Variants in SYT16 observed in about 807,000 individuals in gnomAD.
SYT16 encodes synaptotagmin-16.
Under a neutral mutation model 61.4 loss-of-function variants are expected in SYT16, and 42 were observed. The observed-to-expected ratio is 0.68, with a 90% confidence interval of 0.53 to 0.89. SYT16 has a LOEUF of 0.89. Ranked by LOEUF, SYT16 falls within the 40% of genes least tolerant of loss-of-function variation. SYT16 has a pLI of 0.00. For synonymous variants in SYT16, 314 were observed against 302.3 expected (o/e 1.04, Z -0.40); for missense variants, 804 against 807.3 (o/e 1.00, Z 0.05).
chr14:62,048,220 T>G (rs563654149), intron 3 of SYT16, among the ~76,000 whole-genome samples: 4 of 152,250 alleles, frequency 2.6e-5, no homozygotes, highest in Admixed American at 2.0e-4. Context: ...TGTATGTGTC[T>G]AGGAATTTAT....
Position 62,069,833 on chromosome 14 carries a change from T to C in SYT16, c.736+18T>C, listed in dbSNP as rs2140942072. 5 of 1,612,634 alleles carry C rather than the reference T, an allele frequency of 3.1e-6. No individual in the cohort carries two copies. Among genetic ancestry groups the C allele is most frequent in the African/African-American group, 1.3e-5 (1 of 75,026 alleles). ...CTGCGAAGGTATCCTTTGCCTCACA[T>C]CCTTTCTTTAGACCAGGGATGGCCA... On this transcript the variant is annotated intron_variant, in intron 4 of 7. Transcript: ENST00000683842.
At chr14:62,014,809 C>T (rs2053603387) in intron 3 of SYT16, among the ~76,000 whole-genome samples, 1 of 152,146 alleles carries the variant, frequency 6.6e-6, no homozygotes, top group South Asian at 2.1e-4. Flanking sequence ...ATTTTAAAGT[C>T]TGCATCAGAT....
At chr14:62,040,082 A>G (rs1162539196) in intron 3 of SYT16, among the ~76,000 whole-genome samples, 1 of 151,906 alleles carries the variant, frequency 6.6e-6, no homozygotes, top group African/African-American at 2.4e-5. Flanking sequence ...ATTTCCCCAG[A>G]TGATGGCAGA....
intron 1 of SYT16, among the ~76,000 whole-genome samples, chr14:61,815,751 G>A (rs1390447148): frequency 6.6e-6 from 1 of 152,198 alleles, no homozygotes; most frequent in African/African-American, 2.4e-5. Context: ...ATATAAAGTG[G>A]TGGTACTTGG....
intron 3 of SYT16, among the ~76,000 whole-genome samples, chr14:62,067,636 C>T (rs891341044): frequency 6.6e-6 from 1 of 152,164 alleles, no homozygotes; most frequent in Non-Finnish European, 1.5e-5. Context: ...GAAGAGGAAA[C>T]TCTAGCATAC....
intron 3 of SYT16, among the ~76,000 whole-genome samples, chr14:62,050,167 G>T (rs372117340): frequency 1.3e-5 from 2 of 152,058 alleles, no homozygotes; most frequent in African/African-American, 2.4e-5. Flanking sequence ...GGCTTTGTTC[G>T]TTTCTTTTTA....
At chr14:62,042,633 T>G (rs2054781535) in intron 3 of SYT16, among the ~76,000 whole-genome samples, 2 of 152,220 alleles carry the variant, frequency 1.3e-5, no homozygotes, top group African/African-American at 4.8e-5. Flanking sequence ...AGTGGTTCTT[T>G]CCATGATTCT....
intron 3 of SYT16, among the ~76,000 whole-genome samples, chr14:62,035,566 A>C (rs1242111719): frequency 6.6e-6 from 1 of 152,182 alleles, no homozygotes; most frequent in African/African-American, 2.4e-5. Context: ...AGACTAATAA[A>C]AACTAAATTT....
intron 1 of SYT16, among the ~76,000 whole-genome samples, chr14:61,910,530 GT>G (rs59595019): frequency 0.78 from 111,581 of 142,728 alleles, 44,089 homozygotes; most frequent in East Asian, 0.94. Flanking sequence ...CCGCTGTTTT[GT>G]TTTTTTTTTT....
chr14:62,100,533 T>A lies in SYT16; in HGVS notation c.1764T>A (p.Asp588Glu). The A allele has an allele frequency of 6.2e-7, 1 of 1,613,858 alleles. No homozygotes were observed. Among genetic ancestry groups the A allele is most frequent in the Non-Finnish European group, 8.5e-7 (1 of 1,179,840 alleles). ...AGGTGGCCCTCTTTCAGCTGTCTGA[T>A]GTCACGTTGATGATTTCCGTTTATA... ...VFQVALFQLS[D>E]VTLMISVYNR... The change falls in exon 8 of 8, where the codon GAT becomes GAA. Residue 588 changes from aspartate to glutamate, a missense_variant. By Grantham distance (45) the Asp-to-Glu change is conservative (BLOSUM62 2). Coordinates refer to ENST00000683842, the MANE Select transcript of SYT16 (RefSeq NM_001367656.1).
In SYT16 at chr14:61,949,603, C is replaced by T. The variant is rs117469424; in HGVS notation, c.-324-20529C>T. Among the ~76,000 whole-genome samples, 53 of 152,270 alleles carry T rather than the reference C, an allele frequency of 3.5e-4. No individual in the cohort carries two copies. In the East Asian group the frequency reaches 9.1e-3, roughly 26 times the overall value. On this transcript the variant is annotated intron_variant, in intron 1 of 7. Transcript: ENST00000683842. ...TCCTGAGTAGCTGAGACTATAGATG[C>T]TCACCACACCGCACTGGGCTGATTC...
chr14:62,075,001 T>C, intron 4 of SYT16, 134 bp from the exon 5 acceptor site: 1 of 926,370 alleles, frequency 1.1e-6, no homozygotes, highest in Non-Finnish European at 1.6e-6. Context: ...GATAGAATTA[T>C]GTTTCTGCAG....
At chr14:62,014,218 A>G (rs534381578) in intron 3 of SYT16, among the ~76,000 whole-genome samples, 2 of 152,330 alleles carry the variant, frequency 1.3e-5, no homozygotes, top group African/African-American at 2.4e-5. Context: ...CGTGGATGAC[A>G]GATATCACAT....
chr14:62,077,662 T>G (rs1030541546), intron 5 of SYT16: 1 of 152,276 alleles, frequency 6.6e-6, no homozygotes, highest in African/African-American at 2.4e-5. Context: ...AGGAGCTCCT[T>G]CAGTTGCCTG....
intron 1 of SYT16, among the ~76,000 whole-genome samples, chr14:61,823,592 AAAAAG>A (rs1312370338): frequency 1.7e-4 from 25 of 151,158 alleles, no homozygotes; most frequent in African/African-American, 6.1e-4. Flanking sequence ...AAAAAAAAAA[AAAAAG>A]AAGAATTAGC....
chr14:61,995,564 A>G (rs34870130), intron 2 of SYT16, among the ~76,000 whole-genome samples: 32,904 of 151,974 alleles, frequency 0.22, 3,904 homozygotes, highest in Non-Finnish European at 0.27. Context: ...GTCATGCCCA[A>G]TTGGATCTTA....
chr14:62,049,779 T>C (rs1234014743), intron 3 of SYT16, among the ~76,000 whole-genome samples: 1 of 152,196 alleles, frequency 6.6e-6, no homozygotes, highest in Non-Finnish European at 1.5e-5. Context: ...GAAAATTCTT[T>C]AAGAATGTTG....
chr14:61,849,041 G>T (rs1187203611), intron 1 of SYT16, among the ~76,000 whole-genome samples: 1 of 152,162 alleles, frequency 6.6e-6, no homozygotes, highest in African/African-American at 2.4e-5. Flanking sequence ...ATCCTGCCAG[G>T]ACTGGGTTCT....
intron 3 of SYT16, among the ~76,000 whole-genome samples, chr14:62,063,573 A>G (rs1366388096): frequency 2.0e-5 from 3 of 152,092 alleles, no homozygotes; most frequent in African/African-American, 2.4e-5. Context: ...TTGGCTTCAC[A>G]TTCTGCACTC....
Sources: allele counts gnomAD v4.1 joint callset (sites outside exome capture counted in the v4.1 genomes callset), GRCh38; gene constraint gnomAD v4.1.1; transcripts MANE v1.5; gene names NCBI Gene and HGNC (gene_info 2026-07-23, HGNC 2026-07-21).